Variants in APP observed in about 807,000 individuals in gnomAD.
APP encodes the protein amyloid beta precursor protein, also known as amyloid-beta precursor protein.
In APP, 31 loss-of-function variants were observed where a neutral mutation model predicts 101.4. The ratio of observed to expected loss-of-function variants is 0.31; its 90% CI spans 0.23 to 0.41. The LOEUF is 0.41. Among genes scored for constraint, APP ranks in the 10% least tolerant of loss-of-function variants. The pLI is 1.00. For synonymous variants in APP, 366 were observed against 364.4 expected, an observed-to-expected ratio of 1.00 and a Z score of -0.05; for missense variants, 839 against 1,003.7, an observed-to-expected ratio of 0.84 and a Z score of 2.22.
chr21:25,981,830 T>C (rs183135715), intron 9 of APP, among the ~76,000 whole-genome samples: 48 of 151,684 alleles, frequency 3.2e-4, no homozygotes, highest in African/African-American at 1.1e-3. Flanking sequence ...TGTGCTAAAA[T>C]GGGAAGCCAC....
chr21:26,152,284 C>CAAAAAAAAAAAAAAAAAAAAAAAAAAAAA, intron 1 of APP, among the ~76,000 whole-genome samples: 1 of 36,202 alleles, frequency 2.8e-5, no homozygotes, highest in Non-Finnish European at 4.5e-5. Context: ...GACTCCATCT[C>CAAAAAAAAAAAAAAAAAAAAAAAAAAAAA]AAAAAAAAAA....
intron 6 of APP, among the ~76,000 whole-genome samples, chr21:26,000,916 G>C (rs541285326): frequency 3.3e-5 from 5 of 150,876 alleles, no homozygotes; most frequent in African/African-American, 4.9e-5. Context: ...CTATAACAAC[G>C]TATTATTAAT....
intron 8 of APP, among the ~76,000 whole-genome samples, chr21:25,987,735 G>T (rs2146622818): frequency 6.6e-6 from 1 of 152,290 alleles, no homozygotes; most frequent in South Asian, 2.1e-4. Flanking sequence ...TATCAAAGCA[G>T]CTGAGACAGC....
rs901122227 is a variant in APP, at chr21:26,009,271, T to C, written c.866-9089A>G. On this transcript the variant is annotated intron_variant, in intron 6 of 17. Coordinates refer to ENST00000346798, the MANE Select transcript of APP (RefSeq NM_000484.4). ...AATTAGTAGTCTTAAGATTCAAATATACAGCTCAACAACTTAATTTGAACA... is the reference window on the plus strand; with the variant it reads ...AATTAGTAGTCTTAAGATTCAAATACACAGCTCAACAACTTAATTTGAACA... Among the ~76,000 whole-genome samples the C allele has an allele frequency of 3.3e-5, 5 of 152,242 alleles. No individual in the cohort carries two copies. In the East Asian group the frequency reaches 5.8e-4, roughly 18 times the overall value.
chr21:26,048,436 T>A (rs897905778), intron 5 of APP, among the ~76,000 whole-genome samples: 1 of 152,042 alleles, frequency 6.6e-6, no homozygotes, highest in Non-Finnish European at 1.5e-5. Flanking sequence ...GGCAAAAAAA[T>A]TTCATAATGT....
rs58821939 is a variant in APP at position 25,989,922 on chromosome 21, TAAAAAA to T, written c.1090+7432_1090+7437del. Reference sequence around the variant, plus strand: ...TTATAACTTAAAAAAAAAGTGTCTCTAAAAAAAAAAAAAGTGTCTCTCCATTTTCCT... The same window carrying T: ...TTATAACTTAAAAAAAAAGTGTCTCTAAAAAAAGTGTCTCTCCATTTTCCT... On this transcript the variant is annotated intron_variant, in intron 8 of 17. Coordinates refer to ENST00000346798, the MANE Select transcript of APP (RefSeq NM_000484.4). Among the ~76,000 whole-genome samples, 29 of 145,352 alleles carry T rather than the reference TAAAAAA, an allele frequency of 2.0e-4. No individual in the cohort carries two copies. The East Asian group carries it at 5.6e-3, about 28-fold the overall frequency.
intron 13 of APP, among the ~76,000 whole-genome samples, chr21:25,944,782 A>G (rs994480568): frequency 1.3e-5 from 2 of 152,200 alleles, no homozygotes; most frequent in African/African-American, 4.8e-5. Flanking sequence ...CCCTTGTTCC[A>G]GTCTAAAATC....
At chr21:26,124,828 C>T (rs980884148) in intron 1 of APP, among the ~76,000 whole-genome samples, 2 of 152,224 alleles carry the variant, frequency 1.3e-5, no homozygotes, top group African/African-American at 4.8e-5. Context: ...CAAGTTCTGG[C>T]TTGATGCCTT....
chr21:26,007,424 T>TATTTATA (rs2043583576), intron 6 of APP, among the ~76,000 whole-genome samples: 1 of 147,450 alleles, frequency 6.8e-6, no homozygotes, highest in Non-Finnish European at 1.5e-5. Flanking sequence ...AAATATAATT[T>TATTTATA]ATGTATTATA....
intron 1 of APP, among the ~76,000 whole-genome samples, chr21:26,137,660 A>G (rs45603835): frequency 6.6e-6 from 1 of 152,206 alleles, no homozygotes; most frequent in Non-Finnish European, 1.5e-5. Flanking sequence ...TAGGAGCTAC[A>G]ATCTCTCATT....
At chr21:25,931,346 T>C (rs2040137905) in intron 13 of APP, among the ~76,000 whole-genome samples, 1 of 152,076 alleles carries the variant, frequency 6.6e-6, no homozygotes, top group South Asian at 2.1e-4. Flanking sequence ...CTGGCTGCTG[T>C]GGTACAAGGG....
intron 17 of APP, 36 bp from the exon 18 acceptor site, chr21:25,881,807 A>G: frequency 6.3e-7 from 1 of 1,592,692 alleles, no homozygotes; most frequent in South Asian, 1.1e-5. Context: ...AAAAAATAAA[A>G]ATCAATCTTT....
Position 25,897,633 on chromosome 21 carries a change from T to C in APP, c.2004A>G (p.Glu668=), listed in dbSNP as rs1459466429. ...GTCGGAATTCTGCATCCATCTTCACTTCAGAGATCTCCTCCGTCTTGATAT... is the reference window on the plus strand; with the variant it reads ...GTCGGAATTCTGCATCCATCTTCACCTCAGAGATCTCCTCCGTCTTGATAT... ...LTNIKTEEIS[E]VKMDAEFRHD... Residue 668 remains glutamate, a synonymous_variant, in exon 16 of 18, where the codon GAA becomes GAG. Transcript: ENST00000346798. The C allele has an allele frequency of 2.5e-5, 41 of 1,613,922 alleles. No individual in the cohort carries two copies. Among genetic ancestry groups the C allele is most frequent in the Admixed American group, 3.3e-5 (2 of 60,010 alleles).
intron 11 of APP, among the ~76,000 whole-genome samples, chr21:25,964,325 C>T (rs1246711055): frequency 6.6e-6 from 1 of 152,188 alleles, no homozygotes; most frequent in African/African-American, 2.4e-5. Flanking sequence ...CGGAGGAAGA[C>T]ATCTTCCTAC....
intron 13 of APP, among the ~76,000 whole-genome samples, chr21:25,918,679 A>T (rs1201352487): frequency 6.6e-5 from 10 of 151,920 alleles, no homozygotes; most frequent in African/African-American, 2.2e-4. Context: ...AGACCGGCTT[A>T]AGAAACGGCG....
In APP at chr21:25,982,353, T is replaced by C. The variant is rs201739783; in HGVS notation, c.1215A>G (p.Arg405=). The C allele has an allele frequency of 9.9e-6, 16 of 1,613,574 alleles. No homozygotes were observed. Among genetic ancestry groups the C allele is most frequent in the Non-Finnish European group, 1.4e-5 (16 of 1,179,782 alleles). Residue 405 remains arginine (R), a synonymous_variant, in exon 9 of 18, where the codon AGA becomes AGG. Transcript: ENST00000346798. ...GAAGAGCCAGACTTACCTGGGACATTCTCTCTCGGTGCTTGGCCTCAAGCC... is the reference window on the plus strand; with the variant it reads ...GAAGAGCCAGACTTACCTGGGACATCCTCTCTCGGTGCTTGGCCTCAAGCC... The part of the protein sequence containing the change: ...KERLEAKHRE[R]MSQVMREWEE...
intron 2 of APP, among the ~76,000 whole-genome samples, chr21:26,102,158 G>A (rs941300201): frequency 3.9e-4 from 57 of 145,458 alleles, no homozygotes; most frequent in Non-Finnish European, 1.9e-4. Context: ...GCGCGATCTC[G>A]GCTCACCGCA....
At chr21:25,981,525 G>C (rs1039317426) in intron 9 of APP, among the ~76,000 whole-genome samples, 19 of 152,262 alleles carry the variant, frequency 1.2e-4, no homozygotes, top group African/African-American at 3.9e-4. Flanking sequence ...AATGAATGAG[G>C]AATCTGAGCA....
At chr21:26,084,680 C>T (rs552850771) in intron 3 of APP, among the ~76,000 whole-genome samples, 30 of 152,146 alleles carry the variant, frequency 2.0e-4, no homozygotes, top group African/African-American at 7.2e-4. Context: ...AATGTGGCTG[C>T]CATATGCAAT....
Sources: allele counts gnomAD v4.1 joint callset (sites outside exome capture counted in the v4.1 genomes callset), GRCh38; gene constraint gnomAD v4.1.1; transcripts MANE v1.5; gene names NCBI Gene and HGNC (gene_info 2026-07-23, HGNC 2026-07-21).